The following FAM210A variants were observed in gnomAD, a reference collection of about 807,000 sequenced individuals.
The protein encoded by FAM210A is mitochondrial inner membrane scaffold 1, also known as family with sequence similarity 210 member A.
Under a neutral mutation model 25.3 loss-of-function variants are expected in FAM210A, and 13 were observed. The observed-to-expected ratio is 0.51, with a 90% CI of 0.33 to 0.82. FAM210A has a LOEUF of 0.82. Among genes scored for constraint, FAM210A ranks in the 40% least tolerant of loss-of-function variants. The pLI, the probability that FAM210A is intolerant of heterozygous loss-of-function variation, is 0.02. For synonymous variants in FAM210A, 125 were observed against 118.7 expected, an observed-to-expected ratio of 1.05 and a Z score of -0.35; for missense variants, 319 against 323.2, an observed-to-expected ratio of 0.99 and a Z score of 0.10.
rs1363383505 is a variant in FAM210A at position 13,681,837 on chromosome 18, G to C, written c.241C>G (p.Leu81Val). 2 of 1,614,078 alleles carry C rather than the reference G, an allele frequency of 1.2e-6. No homozygotes were observed. The highest frequency in any genetic ancestry group is 1.7e-6 in the Non-Finnish European group (2 of 1,180,052). ...TGTTGCTTCCCTTGCTTATGGCGAA[G>C]GACTCCTGGTTGGGGTGGATGAGCA... ...LDAHPPQPGVLRHKQGKQHVS... is the reference protein window; with the variant it reads ...LDAHPPQPGVVRHKQGKQHVS... The change falls in exon 2 of 4, where the codon CTT (leucine) becomes GTT (valine). Residue 81 changes from leucine to valine, a missense_variant. By Grantham distance (32) the Leu-to-Val change is conservative. Transcript: ENST00000651643.
intron 1 of FAM210A, among the ~76,000 whole-genome samples, chr18:13,698,026 G>A (rs2043708973): frequency 6.6e-6 from 1 of 152,112 alleles, no homozygotes; most frequent in Non-Finnish European, 1.5e-5. Flanking sequence ...TTTTGGTCAG[G>A]TACAGTGGCT....
chr18:13,720,882 G>A (rs958531288), intron 1 of FAM210A, among the ~76,000 whole-genome samples: 2 of 152,118 alleles, frequency 1.3e-5, no homozygotes, highest in African/African-American at 4.8e-5. Flanking sequence ...ATGGTTTGCT[G>A]GAAATGTGTG....
intron 1 of FAM210A, among the ~76,000 whole-genome samples, chr18:13,706,873 A>G (rs1568487361): frequency 6.6e-6 from 1 of 152,198 alleles, no homozygotes; most frequent in Non-Finnish European, 1.5e-5. Flanking sequence ...AAAACCACTT[A>G]GTTAAGCCAG....
chr18:13,717,667 T>C (rs574050368), intron 1 of FAM210A, among the ~76,000 whole-genome samples: 139 of 152,284 alleles, frequency 9.1e-4, no homozygotes, highest in African/African-American at 3.1e-3. Flanking sequence ...AATTATGGAT[T>C]AGAGAGCAAA....
At chr18:13,676,825 A>G (rs1276456665) in intron 2 of FAM210A, among the ~76,000 whole-genome samples, 2 of 152,154 alleles carry the variant, frequency 1.3e-5, no homozygotes, top group African/African-American at 2.4e-5. Context: ...TGTTTCCTCA[A>G]GAGGAGATTC....
chr18:13,697,234 AACAATAAGAAAAC>A (rs775134703), intron 1 of FAM210A, among the ~76,000 whole-genome samples: 2,702 of 152,256 alleles, frequency 0.018, 29 homozygotes, highest in Middle Eastern at 0.061. Context: ...CTTAAAACTC[AACAATAAGAAAAC>A]AACCCATTTA....
Position 13,726,483 on chromosome 18 carries a change from T to A in FAM210A, c.-183A>T, listed in dbSNP as rs1018495209. ...CGGGCTCAGCCGGACGCTAGCCCCC[T>A]GCCGCCCCCGGCCCCGCCAGCCGCG... On this transcript the variant is annotated 5_prime_UTR_variant, in exon 1 of 4. Transcript: ENST00000651643. 6.6e-6 allele frequency: 1 copy of A among 152,542 alleles called. No individual in the cohort carries two copies. The highest frequency in any genetic ancestry group is 2.4e-5 in the African/African-American group (1 of 41,426). 9.4% of individuals were successfully genotyped at this position (152,542 alleles called of 1,614,324 possible). A position where few individuals can be genotyped will look rare whatever the true frequency, so the allele number is the denominator to read the frequency against.
chr18:13,678,654 G>A (rs544966968), intron 2 of FAM210A, among the ~76,000 whole-genome samples: 7 of 152,276 alleles, frequency 4.6e-5, no homozygotes, highest in Non-Finnish European at 1.0e-4. Context: ...TGGAATTACT[G>A]AACATGAAGT....
Position 13,665,817 on chromosome 18 carries a change from ATTTGCTT to A in FAM210A, c.*656_*662del, listed in dbSNP as rs1304440594. 1 of 152,188 alleles carries A rather than the reference ATTTGCTT, an allele frequency of 6.6e-6. No homozygotes were observed. The highest frequency in any genetic ancestry group is 1.5e-5 in the Non-Finnish European group (1 of 68,180). 9.4% of individuals were successfully genotyped at this position (152,188 alleles called of 1,614,324 possible). A position where few individuals can be genotyped will look rare whatever the true frequency, so the allele number is the denominator to read the frequency against. ...TGAAAAGTACCATCACCATATATAT[ATTTGCTT>A]TAAAAAAATTATGACAAGCTTCAGG... is the stretch of plus-strand genomic sequence containing the variant. On this transcript the variant is annotated 3_prime_UTR_variant, in exon 4 of 4. Coordinates refer to ENST00000651643, the MANE Select transcript of FAM210A (RefSeq NM_152352.4).
At chr18:13,676,352 A>C (rs11080672) in intron 2 of FAM210A, among the ~76,000 whole-genome samples, 1 of 97,428 alleles carries the variant, frequency 1.0e-5, no homozygotes, top group East Asian at 2.4e-4. Context: ...TGAGCCCCTG[A>C]CCTCTTTATT....
chr18:13,666,528 CTT>C lies in FAM210A; in HGVS notation c.769_770del (p.Lys257ValfsTer11). 1 of 1,614,086 alleles carries C rather than the reference CTT, an allele frequency of 6.2e-7. No homozygotes were observed. The highest frequency in any genetic ancestry group is 8.5e-7 in the Non-Finnish European group (1 of 1,179,998). ...MEETKDRLTE[K>X]LQETKEKVSF... ...AAACTTTTTCTTTGGTTTCTTGTAA[CTT>C]TTCAGTGAGTCTATCTTTTGTTTCT... On this transcript the variant is annotated frameshift_variant, in exon 4 of 4. Coordinates refer to ENST00000651643, the MANE Select transcript of FAM210A (RefSeq NM_152352.4). LOFTEE classifies it high-confidence loss of function.
chr18:13,722,925 C>A (rs2043908615), intron 1 of FAM210A, among the ~76,000 whole-genome samples: 1 of 151,802 alleles, frequency 6.6e-6, no homozygotes, highest in South Asian at 2.1e-4. Context: ...CTCACTGCAA[C>A]CTCCGCCTCC....
intron 1 of FAM210A, among the ~76,000 whole-genome samples, chr18:13,696,572 A>G (rs1400014732): frequency 6.6e-6 from 1 of 152,180 alleles, no homozygotes; most frequent in Non-Finnish European, 1.5e-5. Flanking sequence ...GAGCAGAAAA[A>G]TTCCTATTGC....
At chr18:13,682,186 A>G in intron 1 of FAM210A, 81 bp from the exon 2 acceptor site, 1 of 940,686 alleles carries the variant, frequency 1.1e-6, no homozygotes, top group African/African-American at 1.7e-5. Context: ...TCAATCATTA[A>G]CCATTAGGAA....
intron 1 of FAM210A, among the ~76,000 whole-genome samples, chr18:13,697,018 A>G (rs2043699960): frequency 6.6e-6 from 1 of 152,202 alleles, no homozygotes; most frequent in Non-Finnish European, 1.5e-5. Flanking sequence ...GTATGTTTAG[A>G]CAGAAAAATA....
intron 1 of FAM210A, among the ~76,000 whole-genome samples, chr18:13,707,074 C>T (rs1023878710): frequency 2.0e-5 from 3 of 152,178 alleles, no homozygotes; most frequent in Non-Finnish European, 2.9e-5. Context: ...TAAAACGTCA[C>T]ATGGTCTCTC....
chr18:13,707,015 G>T (rs930009474), intron 1 of FAM210A, among the ~76,000 whole-genome samples: 1 of 152,140 alleles, frequency 6.6e-6, no homozygotes, highest in African/African-American at 2.4e-5. Flanking sequence ...AGTCTCCCTG[G>T]TGTGCTGTAT....
At chr18:13,698,130 C>T (rs930536473) in intron 1 of FAM210A, among the ~76,000 whole-genome samples, 1 of 151,874 alleles carries the variant, frequency 6.6e-6, no homozygotes, top group Non-Finnish European at 1.5e-5. Flanking sequence ...AGGCAGGTGG[C>T]TCACCTGAGG....
intron 1 of FAM210A, among the ~76,000 whole-genome samples, chr18:13,702,483 C>T (rs75948343): frequency 0.026 from 3,952 of 152,286 alleles, 67 homozygotes; most frequent in Middle Eastern, 0.061. Flanking sequence ...AAAAACTGTA[C>T]GAGGTCTCCA....
Sources: gnomAD v4.1 joint callset for allele counts (sites outside exome capture counted in the v4.1 genomes callset) on GRCh38, gnomAD v4.1.1 for gene constraint, MANE v1.5 for transcripts, NCBI Gene and HGNC (gene_info 2026-07-23, HGNC 2026-07-21) for gene names.